LRRIQ1: variants seen among roughly 807,000 people sequenced by gnomAD.
The protein encoded by LRRIQ1 is leucine rich repeats and IQ motif containing 1.
LRRIQ1 carries 210 observed loss-of-function variants against 211.9 expected under a neutral mutation model. The ratio of observed to expected loss-of-function variants is 0.99; its 90% CI spans 0.89 to 1.11. The LOEUF is 1.11. Among genes scored for constraint, LRRIQ1 ranks in the 50% most tolerant of loss-of-function variants. The probability of loss-of-function intolerance (pLI) is 0.00; values close to 1 mark genes in which losing one functional copy is unlikely to be tolerated. For missense variants in LRRIQ1, 2,136 were observed against 1,939.5 expected, an observed-to-expected ratio of 1.10 and a Z score of -1.90; for synonymous variants, 699 against 650.1, an observed-to-expected ratio of 1.08 and a Z score of -1.14.
At chr12:85,073,134 A>G (rs778257828) in intron 11 of LRRIQ1, 36 bp downstream of exon 11, 2 of 1,487,644 alleles carry the variant, frequency 1.3e-6, no homozygotes, top group South Asian at 2.5e-5. Flanking sequence ...GTTACTCTTT[A>G]TGGATTTCTA....
intron 24 of LRRIQ1, among the ~76,000 whole-genome samples, chr12:85,181,423 A>C (rs570432034): frequency 6.6e-6 from 1 of 152,004 alleles, no homozygotes; most frequent in Admixed American, 6.6e-5. Context: ...TATTATAGGG[A>C]AATAAAATTA....
intron 1 of LRRIQ1, among the ~76,000 whole-genome samples, chr12:85,250,930 T>TTATATATATTATAG (rs1895914960): frequency 9.3e-6 from 1 of 107,298 alleles, no homozygotes; most frequent in African/African-American, 3.9e-5. Flanking sequence ...ATATATTATA[T>TTATATATATTATAG]ATTATATATA....
At chr12:85,079,974 C>G (rs1321967752) in intron 11 of LRRIQ1, among the ~76,000 whole-genome samples, 1 of 151,840 alleles carries the variant, frequency 6.6e-6, no homozygotes, top group African/African-American at 2.4e-5. Flanking sequence ...TTCCTTCTGC[C>G]CAAAGAATAT....
intron 3 of LRRIQ1, among the ~76,000 whole-genome samples, chr12:85,041,515 G>C (rs1288758892): frequency 6.6e-6 from 1 of 151,498 alleles, no homozygotes; most frequent in Non-Finnish European, 1.5e-5. Flanking sequence ...ATGTAAAGCT[G>C]AGCCACATGG....
Position 85,121,818 on chromosome 12 carries a change from T to C in LRRIQ1, c.3499T>C (p.Cys1167Arg). The change falls in exon 16 of 27, where the codon TGT becomes CGT. Residue 1167 changes from cysteine (C) to arginine (R), a missense_variant. Physicochemically the swap from Cys to Arg is radical, Grantham distance 180 (BLOSUM62 -3). Coordinates refer to ENST00000393217, the MANE Select transcript of LRRIQ1 (RefSeq NM_001079910.2). Reference protein sequence around the residue: ...QLGSAGFLALCQSQIREFNLL... With the variant: ...QLGSAGFLALRQSQIREFNLL... ...GGGATCAGCAGGTTTCCTGGCACTT[T>C]GTCAGTCTCAGATTCGAGAATTCAA... is the stretch of plus-strand genomic sequence containing the variant. 1.2e-6 allele frequency: 2 copies of C among 1,608,056 alleles called. No individual in the cohort carries two copies. The highest frequency in any genetic ancestry group is 1.3e-5 in the African/African-American group (1 of 74,838).
At chr12:85,187,809 CAAA>C (rs749849862) in intron 24 of LRRIQ1, among the ~76,000 whole-genome samples, 2 of 97,574 alleles carry the variant, frequency 2.0e-5, no homozygotes, top group Non-Finnish European at 2.1e-5. Flanking sequence ...AACTTCATCT[CAAA>C]AAAAAAAAAA....
chr12:85,162,092 G>A (rs1890918941), intron 24 of LRRIQ1, among the ~76,000 whole-genome samples: 1 of 151,922 alleles, frequency 6.6e-6, no homozygotes, highest in South Asian at 2.1e-4. Flanking sequence ...TAAAACAAGT[G>A]TGGGAAATTA....
intron 13 of LRRIQ1, 129 bp downstream of exon 13, chr12:85,099,123 A>G: frequency 2.1e-6 from 1 of 480,528 alleles, no homozygotes; most frequent in Non-Finnish European, 3.3e-6. Flanking sequence ...AAATTAGTAT[A>G]TAAATTATAA....
downstream of LRRIQ1, among the ~76,000 whole-genome samples, chr12:85,248,087 TTTTAG>T (rs1376927445): frequency 2.0e-5 from 3 of 151,646 alleles, no homozygotes; most frequent in Non-Finnish European, 3.0e-5. Flanking sequence ...TACTAAATGA[TTTTAG>T]TTTACTCAAT....
intron 3 of LRRIQ1, among the ~76,000 whole-genome samples, chr12:85,043,289 G>C (rs1879118228): frequency 6.6e-6 from 1 of 152,034 alleles, no homozygotes; most frequent in Non-Finnish European, 1.5e-5. Flanking sequence ...TAAGTCTGTA[G>C]TCATCTGAAG....
rs544843128 is a variant in LRRIQ1 at position 85,174,774 on chromosome 12, G to C, written c.4822+14060G>C. Among the ~76,000 whole-genome samples, 6 of 143,304 alleles carry C rather than the reference G, an allele frequency of 4.2e-5. No homozygotes were observed. The South Asian group carries it at 1.1e-3, about 26-fold the overall frequency. 94.0% of individuals were successfully genotyped at this position (143,304 alleles called of 152,430 possible). ...CAGCAATGTCAACAACAAACAGATG[G>C]AAGAAAATTATCAAAGAAATAATTC... On this transcript the variant is annotated intron_variant, in intron 24 of 26. Coordinates refer to ENST00000393217, the MANE Select transcript of LRRIQ1 (RefSeq NM_001079910.2).
At chr12:85,198,838 G>T (rs1399783556) in intron 24 of LRRIQ1, among the ~76,000 whole-genome samples, 1 of 152,116 alleles carries the variant, frequency 6.6e-6, no homozygotes, top group African/African-American at 2.4e-5. Flanking sequence ...AAAGTGCTGG[G>T]ATTACAGGTG....
chr12:85,228,620 A>G (rs1047913499), intron 24 of LRRIQ1, among the ~76,000 whole-genome samples: 3 of 152,206 alleles, frequency 2.0e-5, no homozygotes, highest in African/African-American at 7.2e-5. Context: ...ACTTTTAAAG[A>G]AGAAAGACAT....
intron 15 of LRRIQ1, among the ~76,000 whole-genome samples, chr12:85,108,906 T>C (rs993005600): frequency 1.3e-5 from 2 of 152,064 alleles, no homozygotes; most frequent in African/African-American, 4.8e-5. Flanking sequence ...ACCATTAGAG[T>C]TTAAATCAAA....
intron 11 of LRRIQ1, among the ~76,000 whole-genome samples, chr12:85,089,110 G>A (rs1053188999): frequency 1.3e-5 from 2 of 152,100 alleles, no homozygotes; most frequent in Non-Finnish European, 2.9e-5. Flanking sequence ...TTTGAGATAC[G>A]TCCCATCAAT....
intron 13 of LRRIQ1, among the ~76,000 whole-genome samples, chr12:85,099,254 A>C (rs1886157398): frequency 6.6e-6 from 1 of 151,888 alleles, no homozygotes; most frequent in South Asian, 2.1e-4. Flanking sequence ...ATGCACTTGT[A>C]TAAATCTCTC....
rs765314082 is a variant in LRRIQ1, at chr12:85,154,019, A to C, written c.4645A>C (p.Lys1549Gln). 2.0e-5 allele frequency: 31 copies of C among 1,555,706 alleles called. No homozygotes were observed. The highest frequency in any genetic ancestry group is 2.8e-5 in the African/African-American group (2 of 71,968). The change falls in exon 23 of 27, where the codon AAG (lysine) becomes CAG (glutamine). Residue 1549 changes from lysine to glutamine, a missense_variant. Physicochemically the swap from Lys to Gln is moderately conservative, Grantham distance 53. Coordinates refer to ENST00000393217, the MANE Select transcript of LRRIQ1 (RefSeq NM_001079910.2). ...EKKISEEWGF[K>Q]DISTAQQMLK... ...TATTTAATCTTTTAATAGGGGCTTT[A>C]AGGATATTTCTACTGCTCAGCAAAT...
chr12:85,211,477 T>C (rs2137070448), intron 24 of LRRIQ1, among the ~76,000 whole-genome samples: 1 of 152,272 alleles, frequency 6.6e-6, no homozygotes, highest in East Asian at 1.9e-4. Flanking sequence ...ACGTGTTATG[T>C]AAATTAGCAC....
At chr12:85,224,201 C>T (rs1894538826) in intron 24 of LRRIQ1, among the ~76,000 whole-genome samples, 1 of 152,022 alleles carries the variant, frequency 6.6e-6, no homozygotes, top group Non-Finnish European at 1.5e-5. Context: ...CAGTGAGATA[C>T]CATCTCACAC....
Sources: allele counts gnomAD v4.1 joint callset (sites outside exome capture counted in the v4.1 genomes callset), GRCh38; gene constraint gnomAD v4.1.1; transcripts MANE v1.5; gene names NCBI Gene and HGNC (gene_info 2026-07-23, HGNC 2026-07-21).